DOCK8: variants seen among roughly 807,000 people sequenced by gnomAD.
The protein encoded by DOCK8 is dedicator of cytokinesis protein 8.
In DOCK8, 141 loss-of-function variants were observed where a neutral mutation model predicts 245.6. That is an observed-to-expected ratio of 0.57 (90% CI 0.50 to 0.66). DOCK8 has a LOEUF of 0.66. Among genes scored for constraint, DOCK8 ranks in the 30% least tolerant of loss-of-function variants. The pLI, the probability that DOCK8 is intolerant of heterozygous loss-of-function variation, is 0.00. For missense variants in DOCK8, 2,965 were observed against 2,603.4 expected (o/e 1.14, Z -3.02); for synonymous variants, 1,168 against 970.2 (o/e 1.20, Z -3.79).
chr9:304,382 G>T (rs578053503), intron 4 of DOCK8, among the ~76,000 whole-genome samples, 199 bp from the exon 5 acceptor site: 1 of 152,170 alleles, frequency 6.6e-6, no homozygotes, highest in Non-Finnish European at 1.5e-5. Context: ...CAGCCAGGGG[G>T]TAAATTTGTA....
intron 28 of DOCK8, among the ~76,000 whole-genome samples, chr9:407,937 A>C (rs2055517297): frequency 6.6e-6 from 1 of 152,172 alleles, no homozygotes; most frequent in South Asian, 2.1e-4. Context: ...TCTGGTGTTT[A>C]GATTAGGCAT....
intron 5 of DOCK8, among the ~76,000 whole-genome samples, chr9:309,909 T>A (rs1048903623): frequency 6.6e-6 from 1 of 152,206 alleles, no homozygotes; most frequent in Non-Finnish European, 1.5e-5. Context: ...TATTTATTTG[T>A]GAATGAATGA....
intron 1 of DOCK8, among the ~76,000 whole-genome samples, chr9:270,351 G>C (rs2048131453): frequency 6.6e-6 from 1 of 152,168 alleles, no homozygotes; most frequent in South Asian, 2.1e-4. Flanking sequence ...TCAGAATCCT[G>C]GGAAAGAGAG....
intron 1 of DOCK8, among the ~76,000 whole-genome samples, chr9:230,034 C>T (rs886306632): frequency 2.0e-5 from 3 of 151,148 alleles, no homozygotes; most frequent in Non-Finnish European, 4.4e-5. Context: ...AGGTATATCT[C>T]CTAATGCTAT....
At chr9:337,875 G>C (rs1586736946) in intron 12 of DOCK8, among the ~76,000 whole-genome samples, 1 of 152,320 alleles carries the variant, frequency 6.6e-6, no homozygotes, top group East Asian at 1.9e-4. Context: ...GGTAAGATGG[G>C]CCGGGCGCAG....
intron 5 of DOCK8, among the ~76,000 whole-genome samples, chr9:311,057 C>G (rs146714273): frequency 8.6e-4 from 131 of 152,050 alleles, no homozygotes; most frequent in African/African-American, 3.0e-3. Context: ...AGGTTGATGG[C>G]GGCGGATCAC....
chr9:447,056 G>T (rs1043662655), intron 44 of DOCK8, among the ~76,000 whole-genome samples: 1 of 152,046 alleles, frequency 6.6e-6, no homozygotes, highest in Non-Finnish European at 1.5e-5. Context: ...TGTGGGAAAG[G>T]GCCGTGTAAG....
intron 1 of DOCK8, chr9:215,519 C>T: frequency 2.3e-6 from 3 of 1,328,818 alleles, no homozygotes; most frequent in South Asian, 3.9e-5. Flanking sequence ...TCCGTCCTCG[C>T]CTGCTTCATT....
intron 1 of DOCK8, among the ~76,000 whole-genome samples, chr9:242,963 C>A (rs940421996): frequency 6.6e-6 from 1 of 152,126 alleles, no homozygotes; most frequent in African/African-American, 2.4e-5. Context: ...ATCTCTTCAT[C>A]GGAACTTGGA....
At position 301,980 on chromosome 9, in the gene DOCK8, A is replaced by C. The variant is rs182247779; in HGVS notation, c.405-2601A>C. On this transcript the variant is annotated intron_variant, in intron 4 of 47. Transcript: ENST00000432829. ...TTAATTAGCAACATCATTTTTTCAC[A>C]GAATTTAAAAAAAAAAACCTATTCC... Among the ~76,000 whole-genome samples the C allele has an allele frequency of 2.4e-3, 361 of 150,042 alleles. 1 individual carries two copies. Among genetic ancestry groups the C allele is most frequent in the African/African-American group, 8.5e-3 (341 of 40,042 alleles).
At chr9:313,147 A>G (rs191549529) in intron 6 of DOCK8, among the ~76,000 whole-genome samples, 53 of 152,314 alleles carry the variant, frequency 3.5e-4, no homozygotes, top group African/African-American at 1.2e-3. Flanking sequence ...ATGAGATAGG[A>G]TATCACGTCC....
At chr9:249,957 C>A (rs1447726770) in intron 1 of DOCK8, among the ~76,000 whole-genome samples, 1 of 152,084 alleles carries the variant, frequency 6.6e-6, no homozygotes, top group African/African-American at 2.4e-5. Context: ...AGCATCTGGA[C>A]AATCCCTAAC....
chr9:313,360 C>T (rs1477060735), intron 6 of DOCK8, among the ~76,000 whole-genome samples: 1 of 152,226 alleles, frequency 6.6e-6, no homozygotes, highest in Non-Finnish European at 1.5e-5. Flanking sequence ...TGTCCACCTT[C>T]ACCAAATGTG....
At chr9:370,325 T>C in intron 16 of DOCK8, 25 bp downstream of exon 16, 2 of 1,602,472 alleles carry the variant, frequency 1.2e-6, no homozygotes, top group Non-Finnish European at 8.6e-7. Context: ...GCATTCTAAA[T>C]ATATGCCAAG....
rs148186271 is a variant in DOCK8, at chr9:420,117, C to T, written c.3841-284C>T. On this transcript the variant is annotated intron_variant, in intron 30 of 47. Transcript: ENST00000432829. ...AGGCCCAGGGGTGATCACCAGGCCACACTGCTCCTAAGACAGAGGTACTCA... is the reference window on the plus strand; with the variant it reads ...AGGCCCAGGGGTGATCACCAGGCCATACTGCTCCTAAGACAGAGGTACTCA... 61 of 480,888 alleles carry T rather than the reference C, an allele frequency of 1.3e-4. No homozygotes were observed. In the East Asian group the frequency reaches 2.2e-3, roughly 18 times the overall value. 29.8% of individuals were successfully genotyped at this position (480,888 alleles called of 1,614,324 possible).
chr9:328,805 C>T (rs1217656886), intron 9 of DOCK8, among the ~76,000 whole-genome samples: 1 of 151,774 alleles, frequency 6.6e-6, no homozygotes, highest in African/African-American at 2.4e-5. Context: ...AGTAGAAGAG[C>T]CTTTCATTCT....
intron 43 of DOCK8, among the ~76,000 whole-genome samples, chr9:445,584 G>C (rs1305975702): frequency 3.9e-5 from 6 of 152,162 alleles, no homozygotes; most frequent in South Asian, 4.1e-4. Context: ...CCAAGATATA[G>C]AACAGATCCA....
chr9:462,154 T>C (rs1424309233), intron 46 of DOCK8, among the ~76,000 whole-genome samples: 2 of 152,210 alleles, frequency 1.3e-5, no homozygotes, highest in East Asian at 3.8e-4. Flanking sequence ...AATTTTTTAT[T>C]GTGAGCTCAT....
chr9:439,368 G>C lies in DOCK8; in HGVS notation c.5203G>C (p.Ala1735Pro). The C allele has an allele frequency of 2.5e-6, 4 of 1,613,728 alleles. No homozygotes were observed. The highest frequency in any genetic ancestry group is 3.4e-6 in the Non-Finnish European group (4 of 1,179,964). The change falls in exon 40 of 48, where the codon GCC becomes CCC. Residue 1735 changes from alanine to proline, a missense_variant. Ala to Pro is a conservative substitution (Grantham distance 27). This residue lies in a region of DOCK8 where 2,825 missense variants were observed against 2,453.5 expected (regional missense o/e 1.15). Coordinates refer to ENST00000432829, the MANE Select transcript of DOCK8 (RefSeq NM_203447.4). ...TGGCCTGGTAGGCCTCCTGGAGCAG[G>C]CCGCGGAGCTCTTCAGCACGGTCAG... ...ESGLVGLLEQ[A>P]AELFSTGGLY... is the part of the protein sequence containing the mutation.
Sources: allele counts gnomAD v4.1 joint callset (sites outside exome capture counted in the v4.1 genomes callset), GRCh38; gene constraint gnomAD v4.1.1; regional missense constraint gnomAD v4.1.1; transcripts MANE v1.5; gene names NCBI Gene and HGNC (gene_info 2026-07-23, HGNC 2026-07-21).